Variants in UBE2R2 observed in about 807,000 individuals in gnomAD.
The protein encoded by UBE2R2 is ubiquitin-conjugating enzyme E2 R2.
Under a neutral mutation model 27.8 loss-of-function variants are expected in UBE2R2, and 1 was observed. The observed-to-expected ratio is 0.04, with a 90% CI of 0.01 to 0.17. The LOEUF is 0.17. Ranked by LOEUF, UBE2R2 falls within the 10% of genes least tolerant of loss-of-function variation. UBE2R2 has a pLI of 1.00. For synonymous variants in UBE2R2, 106 were observed against 113.3 expected (o/e 0.94, Z 0.41); for missense variants, 100 against 291.0 (o/e 0.34, Z 4.78).
At chr9:33,854,044 A>G (rs1472175219) in intron 1 of UBE2R2, among the ~76,000 whole-genome samples, 7 of 152,236 alleles carry the variant, frequency 4.6e-5, no homozygotes, top group Non-Finnish European at 1.0e-4. Context: ...GTCCCACAAA[A>G]TGTAGTGTTT....
intron 1 of UBE2R2, among the ~76,000 whole-genome samples, chr9:33,818,389 TGGGGGAGGGGC>T (rs1825879129): frequency 1.4e-4 from 1 of 7,226 alleles, no homozygotes. Flanking sequence ...GGGGGTGGGG[TGGGGGAGGGGC>T]ACCAGCTTGT....
Position 33,918,690 on chromosome 9 carries a change from T to G in UBE2R2, c.*1453T>G, listed in dbSNP as rs991240097. The stretch of plus-strand genomic sequence containing the variant: ...CATTATTTGGAGGAAACCGCTATAA[T>G]GTAAAATCAGATTTCAGAAGGAAAA... On this transcript the variant is annotated 3_prime_UTR_variant, in exon 5 of 5. Coordinates refer to ENST00000263228, the MANE Select transcript of UBE2R2 (RefSeq NM_017811.4). The G allele has an allele frequency of 6.6e-6, 1 of 152,572 alleles. No individual in the cohort carries two copies. The highest frequency in any genetic ancestry group is 2.4e-5 in the African/African-American group (1 of 41,418). The allele number at this position is 152,572 out of a possible 1,614,324, so 9.5% of individuals were successfully genotyped here. A position where few individuals can be genotyped will look rare whatever the true frequency, so the allele number is the denominator to read the frequency against.
chr9:33,881,022 T>C (rs576891998), intron 1 of UBE2R2, among the ~76,000 whole-genome samples: 6 of 152,312 alleles, frequency 3.9e-5, no homozygotes, highest in South Asian at 2.1e-4. Flanking sequence ...AGTGATGATA[T>C]CTTCAACTGT....
At chr9:33,829,039 T>C (rs959602448) in intron 1 of UBE2R2, among the ~76,000 whole-genome samples, 1 of 152,054 alleles carries the variant, frequency 6.6e-6, no homozygotes, top group Admixed American at 6.6e-5. Context: ...CCGGCCTGAT[T>C]TTTGTATTTT....
chr9:33,897,607 T>C (rs898657150), intron 2 of UBE2R2, among the ~76,000 whole-genome samples: 1 of 150,538 alleles, frequency 6.6e-6, no homozygotes, highest in South Asian at 2.1e-4. Context: ...CGTGAGCCAC[T>C]GCACCTGGCC....
intron 1 of UBE2R2, among the ~76,000 whole-genome samples, chr9:33,865,308 G>T (rs554146378): frequency 1.3e-5 from 2 of 151,910 alleles, no homozygotes; most frequent in Non-Finnish European, 2.9e-5. Flanking sequence ...TGGGTTCAGC[G>T]ATTCTCCTGC....
At chr9:33,848,459 G>A (rs1192293015) in intron 1 of UBE2R2, among the ~76,000 whole-genome samples, 1 of 152,060 alleles carries the variant, frequency 6.6e-6, no homozygotes, top group South Asian at 2.1e-4. Flanking sequence ...TAGGATGTGG[G>A]GCTGTTCACC....
chr9:33,836,375 C>T (rs552361919), intron 1 of UBE2R2, among the ~76,000 whole-genome samples: 2 of 152,318 alleles, frequency 1.3e-5, no homozygotes, highest in African/African-American at 4.8e-5. Context: ...TGATGCATTT[C>T]TCAGAACATA....
intron 1 of UBE2R2, 38 bp downstream of exon 1, chr9:33,817,972 C>T (rs777246858): frequency 1.3e-6 from 2 of 1,576,614 alleles, no homozygotes; most frequent in Non-Finnish European, 8.6e-7. Context: ...CTTCCGCGGC[C>T]GAGGCCTCCG....
intron 1 of UBE2R2, among the ~76,000 whole-genome samples, chr9:33,845,943 C>G (rs145239060): frequency 0.079 from 11,971 of 151,566 alleles, 676 homozygotes; most frequent in Non-Finnish European, 0.12. Context: ...GAGATCAAGA[C>G]CATGGTGAAA....
intron 1 of UBE2R2, among the ~76,000 whole-genome samples, chr9:33,881,250 A>G (rs1461249015): frequency 1.3e-5 from 2 of 152,162 alleles, no homozygotes; most frequent in Non-Finnish European, 2.9e-5. Context: ...AGCTTTATTA[A>G]CTAATCTCCA....
chr9:33,869,019 G>A (rs565829838), intron 1 of UBE2R2, among the ~76,000 whole-genome samples: 1 of 152,290 alleles, frequency 6.6e-6, no homozygotes, highest in Admixed American at 6.5e-5. Context: ...TATAATCTCA[G>A]CACTTTGGGA....
chr9:33,883,730 A>T (rs1298243648), intron 1 of UBE2R2, among the ~76,000 whole-genome samples: 5 of 149,948 alleles, frequency 3.3e-5, no homozygotes, highest in African/African-American at 1.2e-4. Flanking sequence ...AAAAAAAAAA[A>T]AGAAATAAAA....
intron 3 of UBE2R2, among the ~76,000 whole-genome samples, chr9:33,907,642 G>A (rs1458573646): frequency 6.6e-6 from 1 of 152,104 alleles, no homozygotes; most frequent in Non-Finnish European, 1.5e-5. Flanking sequence ...GAAAGCAAAG[G>A]GTACTACAGT....
chr9:33,820,288 A>G (rs556694324), intron 1 of UBE2R2, among the ~76,000 whole-genome samples: 1 of 152,354 alleles, frequency 6.6e-6, no homozygotes, highest in South Asian at 2.1e-4. Flanking sequence ...GTCCTTGTTT[A>G]AAAGAATGAT....
intron 1 of UBE2R2, among the ~76,000 whole-genome samples, chr9:33,872,291 G>T (rs566149058): frequency 1.8e-3 from 272 of 152,024 alleles, no homozygotes; most frequent in African/African-American, 5.3e-3. Flanking sequence ...TATTTGGGAG[G>T]CTGAGGCAGG....
chr9:33,911,402 C>CAAAAAAAAAAAAAAAAAAAAAAAAAA (rs60526576), intron 3 of UBE2R2, among the ~76,000 whole-genome samples: 2 of 53,202 alleles, frequency 3.8e-5, no homozygotes, highest in South Asian at 8.5e-4. Flanking sequence ...AACTCCATCT[C>CAAAAAAAAAAAAAAAAAAAAAAAAAA]AAAAAAAAAA....
intron 1 of UBE2R2, among the ~76,000 whole-genome samples, chr9:33,833,127 C>T (rs1323712805): frequency 3.3e-5 from 5 of 152,276 alleles, no homozygotes; most frequent in South Asian, 2.1e-4. Flanking sequence ...TGCAGTGGCA[C>T]GATCTCAGCT....
intron 1 of UBE2R2, among the ~76,000 whole-genome samples, chr9:33,827,017 G>A (rs763101667): frequency 6.6e-6 from 1 of 152,166 alleles, no homozygotes; most frequent in African/African-American, 2.4e-5. Flanking sequence ...CAGGCCAATC[G>A]CTTGAACCCA....
Sources: allele counts gnomAD v4.1 joint callset (sites outside exome capture counted in the v4.1 genomes callset), GRCh38; gene constraint gnomAD v4.1.1; transcripts MANE v1.5; gene names NCBI Gene and HGNC (gene_info 2026-07-23, HGNC 2026-07-21).